The following SCUBE3 variants were observed in gnomAD, a reference collection of about 807,000 sequenced individuals.
SCUBE3 encodes the protein signal peptide, CUB domain and EGF like domain containing 3, also known as signal peptide, CUB and EGF-like domain-containing protein 3.
In SCUBE3, 33 loss-of-function variants were observed where a neutral mutation model predicts 116.8. That is an observed-to-expected ratio of 0.28 (90% CI 0.21 to 0.38). The LOEUF (loss-of-function observed/expected upper bound fraction) is 0.38, where lower values mean the gene tolerates loss of function less well. SCUBE3 is among the 10% of genes least tolerant of loss of function. The pLI is 1.00. For synonymous variants in SCUBE3, 418 were observed against 496.9 expected, an observed-to-expected ratio of 0.84 and a Z score of 2.11; for missense variants, 1,007 against 1,324.8, an observed-to-expected ratio of 0.76 and a Z score of 3.72.
chr6:35,229,331 G>A (rs955543059), intron 3 of SCUBE3, among the ~76,000 whole-genome samples: 1 of 152,136 alleles, frequency 6.6e-6, no homozygotes, highest in Non-Finnish European at 1.5e-5. Context: ...CTTGGCTTGA[G>A]CCTAGGAAGT....
chr6:35,225,484 G>T (rs1783288998), intron 1 of SCUBE3, among the ~76,000 whole-genome samples: 1 of 152,164 alleles, frequency 6.6e-6, no homozygotes, highest in Non-Finnish European at 1.5e-5. Flanking sequence ...CTGTCACGTT[G>T]GGATGACTTC....
rs1400180756 is a variant in SCUBE3 at position 35,242,195 on chromosome 6, T to C, written c.1418-9T>C. 6.3e-7 allele frequency: 1 copy of C among 1,596,858 alleles called. No individual in the cohort carries two copies. The highest frequency in any genetic ancestry group is 1.7e-5 in the Admixed American group (1 of 59,974). ...CCCATACTGTGCTGAGTTTCTACCATCCCTCTAGAGGCTGCAGTGCTGTCC... is the reference window on the plus strand; with the variant it reads ...CCCATACTGTGCTGAGTTTCTACCACCCCTCTAGAGGCTGCAGTGCTGTCC... On this transcript the variant is annotated splice_polypyrimidine_tract_variant and intron_variant, in intron 12 of 21. Transcript: ENST00000274938.
At position 35,241,255 on chromosome 6, in the gene SCUBE3, A is replaced by C; in HGVS notation, c.1184A>C (p.Lys395Thr). Residue 395 changes from lysine (K) to threonine (T), a missense_variant, in exon 10 of 22, where the codon AAA becomes ACA. Physicochemically the swap from Lys to Thr is moderately conservative, Grantham distance 78 (BLOSUM62 -1). Transcript: ENST00000274938. This position sits in a 1 kb window ranked among gnomAD's most constrained non-coding sequence, Gnocchi z 4.1. ...AGQGRLHWNGKDCTEPLKCQG... is the reference protein window; with the variant it reads ...AGQGRLHWNGTDCTEPLKCQG... ...CAGGGTCGGCTGCACTGGAATGGCA[A>C]AGATTGCACAGGTGGGCAGTGCCCT... 1 of 1,594,862 alleles carries C rather than the reference A, an allele frequency of 6.3e-7. No individual in the cohort carries two copies. The highest frequency in any genetic ancestry group is 8.6e-7 in the Non-Finnish European group (1 of 1,165,152).
rs1271805168 is a variant in SCUBE3 at position 35,240,660 on chromosome 6, T to C, written c.1069+170T>C. ...GGAATTAAGACAGCTTTTGAAGAACTGGGAGACTGCGGAAACAGCATCCTG... is the reference window on the plus strand; with the variant it reads ...GGAATTAAGACAGCTTTTGAAGAACCGGGAGACTGCGGAAACAGCATCCTG... On this transcript the variant is annotated intron_variant, in intron 9 of 21. Transcript: ENST00000274938. The surrounding 1 kb of genome is among the most constrained non-coding windows in gnomAD (Gnocchi z 4.6). 6.6e-6 allele frequency among the ~76,000 whole-genome samples: 1 copy of C among 152,216 alleles called. No homozygotes were observed. Among genetic ancestry groups the C allele is most frequent in the Non-Finnish European group, 1.5e-5 (1 of 68,032 alleles).
rs200283547 is a variant in SCUBE3, at chr6:35,243,719, G to A, written c.2035G>A (p.Gly679Arg). Residue 679 changes from glycine (G) to arginine (R), a missense_variant, in exon 16 of 22, where the codon GGG becomes AGG. This residue lies in a region of SCUBE3 where 544 missense variants were observed against 638.9 expected (regional missense o/e 0.85). Coordinates refer to ENST00000274938, the MANE Select transcript of SCUBE3 (RefSeq NM_152753.4). This position sits in a 1 kb window ranked among gnomAD's most constrained non-coding sequence, Gnocchi z 6.6. ...CDLCPGSDAH[G>R]PLGATNVTTC... Reference sequence around the variant, plus strand: ...CCTTTGCCCTGGGAGTGATGCCCACGGGCCTCTTGGAGCCACCAACGTCAC... The same window carrying A: ...CCTTTGCCCTGGGAGTGATGCCCACAGGCCTCTTGGAGCCACCAACGTCAC... 2.4e-5 allele frequency: 39 copies of A among 1,614,128 alleles called. No individual in the cohort carries two copies. In the African/African-American group the frequency reaches 2.9e-4, roughly 12 times the overall value.
chr6:35,218,832 A>G (rs1360240167), intron 1 of SCUBE3, among the ~76,000 whole-genome samples: 1 of 152,158 alleles, frequency 6.6e-6, no homozygotes, highest in East Asian at 1.9e-4. Flanking sequence ...GCCAGCCTCA[A>G]GTGGCACCGG....
rs140620347 is a variant in SCUBE3, at chr6:35,238,391, C to T, written c.829+373C>T. Among the ~76,000 whole-genome samples the T allele has an allele frequency of 2.0e-5, 3 of 152,304 alleles. No homozygotes were observed. In the East Asian group the frequency reaches 5.8e-4, roughly 29 times the overall value. ...ACAGGTGTGTTCCATAACCTTCTTA[C>T]CCCACATTCCTCAGACCTTCCCAGT... is the stretch of plus-strand genomic sequence containing the variant. On this transcript the variant is annotated intron_variant, in intron 7 of 21. Coordinates refer to ENST00000274938, the MANE Select transcript of SCUBE3 (RefSeq NM_152753.4).
chr6:35,243,535 C>G lies in SCUBE3; in HGVS notation c.1910-59C>G. ...TGGCGGGGAGTGGGAAGGGGAGTCC[C>G]AGGCCTGGGTGGTGGGAAATGCGGG... is the stretch of plus-strand genomic sequence containing the variant. On this transcript the variant is annotated intron_variant, in intron 15 of 21. Coordinates refer to ENST00000274938, the MANE Select transcript of SCUBE3 (RefSeq NM_152753.4). The surrounding 1 kb of genome is among the most constrained non-coding windows in gnomAD (Gnocchi z 6.6). 6.8e-7 allele frequency: 1 copy of G among 1,471,912 alleles called. No individual in the cohort carries two copies. 91.2% of individuals were successfully genotyped at this position (1,471,912 alleles called of 1,614,324 possible). A position where few individuals can be genotyped will look rare whatever the true frequency, so the allele number is the denominator to read the frequency against.
rs1782781258 is a variant in SCUBE3, at chr6:35,213,992, T to G, written c.-427T>G. Among the ~76,000 whole-genome samples, 1 of 152,110 alleles carries G rather than the reference T, an allele frequency of 6.6e-6. No homozygotes were observed. The highest frequency in any genetic ancestry group is 1.5e-5 in the Non-Finnish European group (1 of 67,988). Reference sequence around the variant, plus strand: ...AGAAAGAGAGGCAGAAAGGGCGTGTTTCTGGCGCTGCGTTTCCCCTCCCCT... The same window carrying G: ...AGAAAGAGAGGCAGAAAGGGCGTGTGTCTGGCGCTGCGTTTCCCCTCCCCT... On this transcript the variant is annotated 5_prime_UTR_variant, in exon 1 of 22. Transcript: ENST00000274938. The surrounding 1 kb of genome is among the most constrained non-coding windows in gnomAD (Gnocchi z 4.5).
chr6:35,247,866 G>A (rs1416834318), intron 21 of SCUBE3, among the ~76,000 whole-genome samples: 1 of 152,160 alleles, frequency 6.6e-6, no homozygotes, highest in African/African-American at 2.4e-5. Flanking sequence ...TAGACAGGGT[G>A]GTCAGGAAAG....
At chr6:35,216,934 T>C (rs2032538) in intron 1 of SCUBE3, among the ~76,000 whole-genome samples, 1 of 138,212 alleles carries the variant, frequency 7.2e-6, no homozygotes, top group East Asian at 4.0e-4. Context: ...TGTGCACACA[T>C]GAGAGGTTCA....
intron 7 of SCUBE3, among the ~76,000 whole-genome samples, chr6:35,238,569 C>A (rs73407670): frequency 0.041 from 6,316 of 152,216 alleles, 283 homozygotes; most frequent in African/African-American, 0.11. Context: ...TGTCTCTGTG[C>A]CTCAGTTTTC....
At chr6:35,246,501 C>T (rs1784344055) in intron 21 of SCUBE3, among the ~76,000 whole-genome samples, 1 of 152,144 alleles carries the variant, frequency 6.6e-6, no homozygotes, top group Non-Finnish European at 1.5e-5. Context: ...GAGCCCAAGC[C>T]TATCCGACTG....
At chr6:35,215,966 G>T (rs79237951) in intron 1 of SCUBE3, among the ~76,000 whole-genome samples, 1 of 152,240 alleles carries the variant, frequency 6.6e-6, no homozygotes, top group Admixed American at 6.5e-5. Flanking sequence ...GCTGGCTTTT[G>T]TAGTGTGTGC....
rs1489342654 is a variant in SCUBE3 at position 35,243,686 on chromosome 6, TC to T, written c.2004del (p.Cys669AlafsTer32). ...GTFQEREGQL[S>X]CDLCPGSDAH... ...CTTCCAGGAGAGAGAAGGGCAGCTC[TC>T]CTGCGACCTTTGCCCTGGGAGTGAT... On this transcript the variant is annotated frameshift_variant, in exon 16 of 22. Coordinates refer to ENST00000274938, the MANE Select transcript of SCUBE3 (RefSeq NM_152753.4). LOFTEE classifies it high-confidence loss of function. This position sits in a 1 kb window ranked among gnomAD's most constrained non-coding sequence, Gnocchi z 6.6. The T allele has an allele frequency of 6.2e-7, 1 of 1,614,136 alleles. No individual in the cohort carries two copies. The highest frequency in any genetic ancestry group is 1.3e-5 in the African/African-American group (1 of 75,064).
rs1428566929 is a variant in SCUBE3, at chr6:35,240,656, GA to G, written c.1069+168del. On this transcript the variant is annotated intron_variant, in intron 9 of 21. Transcript: ENST00000274938. This position sits in a 1 kb window ranked among gnomAD's most constrained non-coding sequence, Gnocchi z 4.6. The stretch of plus-strand genomic sequence containing the variant: ...AGGAGGAATTAAGACAGCTTTTGAA[GA>G]ACTGGGAGACTGCGGAAACAGCATC... Among the ~76,000 whole-genome samples, 1 of 152,210 alleles carries G rather than the reference GA, an allele frequency of 6.6e-6. No homozygotes were observed. The highest frequency in any genetic ancestry group is 1.5e-5 in the Non-Finnish European group (1 of 68,038).
At position 35,237,988 on chromosome 6, in the gene SCUBE3, A is replaced by G. The variant is rs768089598; in HGVS notation, c.799A>G (p.Met267Val). Residue 267 changes from methionine (M) to valine (V), a missense_variant, in exon 7 of 22, where the codon ATG becomes GTG. Around this residue, in one of 5 missense-constraint regions of SCUBE3, gnomAD observed 214 missense variants for 316.7 expected, o/e 0.68. Coordinates refer to ENST00000274938, the MANE Select transcript of SCUBE3 (RefSeq NM_152753.4). Reference sequence around the variant, plus strand: ...CCACTGCACCTGCCCTGTGGGCTTCATGCTGCAGCCAGACAGGAAGACGTG... The same window carrying G: ...CCACTGCACCTGCCCTGTGGGCTTCGTGCTGCAGCCAGACAGGAAGACGTG... ...GVHCTCPVGF[M>V]LQPDRKTCKD... 2 of 1,609,760 alleles carry G rather than the reference A, an allele frequency of 1.2e-6. No individual in the cohort carries two copies. The highest frequency in any genetic ancestry group is 1.1e-5 in the South Asian group (1 of 90,916).
rs1322282209 is a variant in SCUBE3 at position 35,245,819 on chromosome 6, G to A, written c.2600-125G>A. 3 of 1,020,368 alleles carry A rather than the reference G, an allele frequency of 2.9e-6. No homozygotes were observed. Among genetic ancestry groups the A allele is most frequent in the Non-Finnish European group, 4.4e-6 (3 of 682,126 alleles). The allele number at this position is 1,020,368 out of a possible 1,614,324, so 63.2% of individuals were successfully genotyped here. A position where few individuals can be genotyped will look rare whatever the true frequency, so the allele number is the denominator to read the frequency against. ...GTGGGGTAGGGTGTGTGTATGCGAA[G>A]GGGGAGCCTTTGTCAGAATGATTCT... is the stretch of plus-strand genomic sequence containing the variant. On this transcript the variant is annotated intron_variant, in intron 19 of 21. Coordinates refer to ENST00000274938, the MANE Select transcript of SCUBE3 (RefSeq NM_152753.4). This position sits in a 1 kb window ranked among gnomAD's most constrained non-coding sequence, Gnocchi z 4.2.
chr6:35,218,631 C>T (rs1293779623), intron 1 of SCUBE3, among the ~76,000 whole-genome samples: 4 of 152,308 alleles, frequency 2.6e-5, no homozygotes, highest in South Asian at 4.1e-4. Context: ...CTTCTTCAGG[C>T]TCAGAAGACT....
Sources: gnomAD v4.1 joint callset for allele counts (sites outside exome capture counted in the v4.1 genomes callset) on GRCh38, gnomAD v4.1.1 for gene constraint, gnomAD v4.1.1 regional missense constraint, Gnocchi (gnomAD v3.1) non-coding constraint, MANE v1.5 for transcripts, NCBI Gene and HGNC (gene_info 2026-07-23, HGNC 2026-07-21) for gene names.